Variants in STK32C observed in about 807,000 individuals in gnomAD.
STK32C encodes the protein serine/threonine kinase 32C.
STK32C carries 31 observed loss-of-function variants against 56.5 expected under a neutral mutation model. The observed-to-expected ratio is 0.55, with a 90% confidence interval of 0.41 to 0.74. The LOEUF (loss-of-function observed/expected upper bound fraction) is 0.74. Ranked by LOEUF, STK32C falls within the 30% of genes least tolerant of loss-of-function variation. The probability of loss-of-function intolerance (pLI) is 0.00; values close to 1 mark genes in which losing one functional copy is unlikely to be tolerated. For missense variants in STK32C, 544 were observed against 676.9 expected (o/e 0.80, Z 2.18); for synonymous variants, 309 against 289.4 (o/e 1.07, Z -0.69).
intron 1 of STK32C, among the ~76,000 whole-genome samples, chr10:132,288,969 A>G (rs757367252): frequency 5.6e-4 from 86 of 152,358 alleles, no homozygotes; most frequent in Non-Finnish European, 9.6e-4. Context: ...TTCAAAATTC[A>G]TATGGAAATA....
chr10:132,278,757 CAAAAA>C (rs60685458), intron 1 of STK32C, among the ~76,000 whole-genome samples: 1 of 90,404 alleles, frequency 1.1e-5, no homozygotes, highest in Non-Finnish European at 2.2e-5. Flanking sequence ...GAGACTGTCT[CAAAAA>C]AAAAAAAAAA....
downstream of STK32C, among the ~76,000 whole-genome samples, chr10:132,322,190 T>C (rs1190321540): frequency 6.6e-6 from 1 of 152,226 alleles, no homozygotes; most frequent in Non-Finnish European, 1.5e-5. Context: ...TATATTTTTA[T>C]TGGCCATTTA....
At chr10:132,274,478 C>T (rs574248209) in intron 1 of STK32C, among the ~76,000 whole-genome samples, 1 of 152,322 alleles carries the variant, frequency 6.6e-6, no homozygotes, top group African/African-American at 2.4e-5. Context: ...AGATTGACAA[C>T]TGTTCACAGT....
At chr10:132,236,620 C>T (rs972275125) in intron 2 of STK32C, among the ~76,000 whole-genome samples, 1 of 152,190 alleles carries the variant, frequency 6.6e-6, no homozygotes, top group Non-Finnish European at 1.5e-5. Flanking sequence ...GTTTAACTTT[C>T]CACACCAGAA....
Position 132,287,525 on chromosome 10 carries a change from C to G in STK32C, c.262+20047G>C, listed in dbSNP as rs572107727. On this transcript the variant is annotated intron_variant, in intron 1 of 11. Coordinates refer to ENST00000298630, the MANE Select transcript of STK32C (RefSeq NM_173575.4). ...AGAGTGCAGTGGCGTGATCTCGGCTCACTGCAACCTCCACCTCCCGGGTTC... is the reference window on the plus strand; with the variant it reads ...AGAGTGCAGTGGCGTGATCTCGGCTGACTGCAACCTCCACCTCCCGGGTTC... 2.8e-3 allele frequency among the ~76,000 whole-genome samples: 421 copies of G among 151,218 alleles called. 4 individuals are homozygous for G. The highest frequency in any genetic ancestry group is 9.7e-3 in the African/African-American group (403 of 41,346).
chr10:132,240,044 C>T (rs1296780333), intron 2 of STK32C, among the ~76,000 whole-genome samples: 1 of 152,258 alleles, frequency 6.6e-6, no homozygotes, highest in Non-Finnish European at 1.5e-5. Context: ...GGTGGAGCTG[C>T]CATCCTGGTG....
At chr10:132,266,500 T>C (rs1270336516) in intron 1 of STK32C, among the ~76,000 whole-genome samples, 1 of 152,172 alleles carries the variant, frequency 6.6e-6, no homozygotes, top group Non-Finnish European at 1.5e-5. Flanking sequence ...ATCATCTAGA[T>C]CAGGGACATT....
chr10:132,258,522 G>A (rs3000528), intron 1 of STK32C, among the ~76,000 whole-genome samples: 39,592 of 152,150 alleles, frequency 0.26, 5,453 homozygotes, highest in Admixed American at 0.36. Context: ...AGGCCAGCGC[G>A]TTCTCCTGGA....
chr10:132,257,153 G>T (rs140245700), intron 1 of STK32C, among the ~76,000 whole-genome samples: 288 of 152,256 alleles, frequency 1.9e-3, no homozygotes, highest in Non-Finnish European at 3.4e-3. Context: ...GGTCCTCAGG[G>T]GGGTGAGGCC....
intron 1 of STK32C, among the ~76,000 whole-genome samples, chr10:132,292,393 C>A (rs776792295): frequency 7.2e-5 from 11 of 152,200 alleles, no homozygotes; most frequent in Non-Finnish European, 1.5e-4. Flanking sequence ...TATTGATACC[C>A]ACACTCTCTC....
chr10:132,214,210 C>T (rs1275706627), intron 10 of STK32C, among the ~76,000 whole-genome samples: 3 of 148,430 alleles, frequency 2.0e-5, no homozygotes, highest in Non-Finnish European at 4.4e-5. Flanking sequence ...TGTACCTAGG[C>T]ATATCATTAT....
At chr10:132,253,388 TAGCTGGAGGGAGTCGAGGG>T (rs1565113496) in intron 1 of STK32C, among the ~76,000 whole-genome samples, 3 of 85,784 alleles carry the variant, frequency 3.5e-5, no homozygotes, top group Admixed American at 2.4e-4. Context: ...GGAGCCGAGG[TAGCTGGAGGGAGTCGAGGG>T]AGCTGGAGGG....
chr10:132,237,633 G>A (rs999563744), intron 2 of STK32C, among the ~76,000 whole-genome samples: 1 of 152,228 alleles, frequency 6.6e-6, no homozygotes, highest in African/African-American at 2.4e-5. Flanking sequence ...AGGCACAGAG[G>A]AACCTGAGTG....
At chr10:132,299,554 G>A (rs1467251481) in intron 1 of STK32C, among the ~76,000 whole-genome samples, 1 of 152,214 alleles carries the variant, frequency 6.6e-6, no homozygotes, top group Non-Finnish European at 1.5e-5. Context: ...GCACCAGCCC[G>A]CAGCTCTCTG....
chr10:132,331,863 G>C, upstream of STK32C: 1 of 1,352,194 alleles, frequency 7.4e-7, no homozygotes, highest in South Asian at 1.3e-5. Context: ...ACCGTTGGCC[G>C]CGTGCGTGCG....
chr10:132,220,157 T>C (rs1301812412), intron 10 of STK32C, among the ~76,000 whole-genome samples: 1 of 152,240 alleles, frequency 6.6e-6, no homozygotes, highest in East Asian at 1.9e-4. Flanking sequence ...GATGGGGCCA[T>C]ACTGGATCAG....
intron 1 of STK32C, among the ~76,000 whole-genome samples, chr10:132,272,806 G>A (rs1396242171): frequency 6.6e-6 from 1 of 152,154 alleles, no homozygotes; most frequent in African/African-American, 2.4e-5. Flanking sequence ...TTTCTCTCAA[G>A]TAATAGCCCA....
chr10:132,240,582 G>A (rs2063465814), intron 2 of STK32C, among the ~76,000 whole-genome samples: 1 of 152,182 alleles, frequency 6.6e-6, no homozygotes, highest in Admixed American at 6.5e-5. Flanking sequence ...TGGGGTCACT[G>A]CAAGGACAGG....
At chr10:132,332,008 C>A (rs2066789428), upstream of STK32C, 6 of 404,988 alleles carry the variant, frequency 1.5e-5, 1 homozygote, top group Non-Finnish European at 2.6e-5. Flanking sequence ...GACCCCCTGC[C>A]GCGCAGGGGC....
Sources: gnomAD v4.1 joint callset for allele counts (sites outside exome capture counted in the v4.1 genomes callset) on GRCh38, gnomAD v4.1.1 for gene constraint, MANE v1.5 for transcripts, NCBI Gene and HGNC (gene_info 2026-07-23, HGNC 2026-07-21) for gene names.